Variants in ARHGAP26 observed in about 807,000 individuals in gnomAD.
ARHGAP26 encodes Rho GTPase activating protein 26, also known as rho GTPase-activating protein 26.
A neutral mutation model predicts 104.8 loss-of-function variants in ARHGAP26; 38 were observed. That is an observed-to-expected ratio of 0.36 (90% CI 0.28 to 0.48). The LOEUF is 0.48. Ranked by LOEUF, ARHGAP26 falls within the 20% of genes least tolerant of loss-of-function variation. ARHGAP26 has a pLI of 0.99. For missense variants in ARHGAP26, 704 were observed against 947.9 expected, an observed-to-expected ratio of 0.74 and a Z score of 3.38; for synonymous variants, 341 against 340.0, an observed-to-expected ratio of 1.00 and a Z score of -0.03.
At chr5:142,830,030 G>T (rs1307562469) in intron 1 of ARHGAP26, among the ~76,000 whole-genome samples, 1 of 152,202 alleles carries the variant, frequency 6.6e-6, no homozygotes, top group Admixed American at 6.5e-5. Context: ...CAATTGGTGT[G>T]AGGAAATATT....
intron 1 of ARHGAP26, among the ~76,000 whole-genome samples, chr5:142,833,255 T>G (rs1245672769): frequency 6.6e-6 from 1 of 151,326 alleles, no homozygotes; most frequent in Non-Finnish European, 1.5e-5. Flanking sequence ...GAGATGGCAT[T>G]TCACCATGTT....
rs139481130 is a variant in ARHGAP26 at position 143,026,987 on chromosome 5, A to AT, written c.1145-10207dup. Among the ~76,000 whole-genome samples, 395 of 152,192 alleles carry AT rather than the reference A, an allele frequency of 2.6e-3. 2 individuals carry two copies. The highest frequency in any genetic ancestry group is 8.6e-3 in the African/African-American group (358 of 41,512). On this transcript the variant is annotated intron_variant, in intron 12 of 22. Coordinates refer to ENST00000645722, the MANE Select transcript of ARHGAP26 (RefSeq NM_001135608.3). The stretch of plus-strand genomic sequence containing the variant: ...TTAATGGATTGGATGTGGTGTGTGA[A>AT]TTGGATATAGGGTGTGAGAGAAAGC...
intron 14 of ARHGAP26, among the ~76,000 whole-genome samples, chr5:143,053,299 C>G (rs1785300040): frequency 6.6e-6 from 1 of 152,150 alleles, no homozygotes; most frequent in Non-Finnish European, 1.5e-5. Context: ...CATTCTCCAC[C>G]CCTGGAAAAA....
intron 13 of ARHGAP26, among the ~76,000 whole-genome samples, chr5:143,038,245 T>G (rs1782931711): frequency 6.6e-6 from 1 of 152,190 alleles, no homozygotes. Flanking sequence ...TTGAGAAATA[T>G]ACACTTTTTT....
intron 22 of ARHGAP26, among the ~76,000 whole-genome samples, chr5:143,220,933 C>A (rs148265842): frequency 6.6e-6 from 1 of 152,268 alleles, no homozygotes; most frequent in African/African-American, 2.4e-5. Flanking sequence ...AGTGTCGGAG[C>A]GGAAATGCTT....
rs193068758 is a variant in ARHGAP26 at position 143,214,669 on chromosome 5, A to T, written c.2191+581A>T. On this transcript the variant is annotated intron_variant, in intron 22 of 22. Transcript: ENST00000645722. ...CCAGCCCTTGACTGTAGTCACGTCCACAGGGGCTGCCATTGTGTGTGCCCA... is the reference window on the plus strand; with the variant it reads ...CCAGCCCTTGACTGTAGTCACGTCCTCAGGGGCTGCCATTGTGTGTGCCCA... Among the ~76,000 whole-genome samples the T allele has an allele frequency of 1.5e-3, 224 of 152,264 alleles. 3 individuals are homozygous for T. The highest frequency in any genetic ancestry group is 5.1e-3 in the African/African-American group (210 of 41,556).
chr5:142,994,458 A>G (rs894305406), intron 11 of ARHGAP26, among the ~76,000 whole-genome samples: 7 of 152,206 alleles, frequency 4.6e-5, no homozygotes, highest in East Asian at 1.9e-4. Flanking sequence ...TGACGCAACC[A>G]TAAAGGATTT....
intron 11 of ARHGAP26, among the ~76,000 whole-genome samples, chr5:142,991,016 A>G (rs992073424): frequency 2.6e-5 from 4 of 152,226 alleles, no homozygotes; most frequent in Non-Finnish European, 5.9e-5. Context: ...TTAAGTCTGC[A>G]GAAGTTTCTG....
intron 11 of ARHGAP26, among the ~76,000 whole-genome samples, chr5:142,933,129 A>G (rs865778498): frequency 6.6e-5 from 10 of 152,304 alleles, no homozygotes; most frequent in African/African-American, 2.2e-4. Flanking sequence ...GTTGTTACCC[A>G]TAGGAACCCT....
In ARHGAP26 at chr5:143,223,224, AT is replaced by A. The variant is rs1411296300; in HGVS notation, c.*786del. ...ATAACACATCCTCTTTGCATGACACATTTTTTTTCTCCCCTTTTTGGTACAC... is the reference window on the plus strand; with the variant it reads ...ATAACACATCCTCTTTGCATGACACATTTTTTTCTCCCCTTTTTGGTACAC... On this transcript the variant is annotated 3_prime_UTR_variant, in exon 23 of 23. Transcript: ENST00000645722. 9 of 232,500 alleles carry A rather than the reference AT, an allele frequency of 3.9e-5. No individual in the cohort carries two copies. The South Asian group carries it at 9.1e-4, about 23-fold the overall frequency. The allele number at this position is 232,500 out of a possible 1,614,324, so 14.4% of individuals were successfully genotyped here. A position where few individuals can be genotyped will look rare whatever the true frequency, so the allele number is the denominator to read the frequency against.
intron 20 of ARHGAP26, among the ~76,000 whole-genome samples, chr5:143,183,087 A>AAG (rs914246333): frequency 2.0e-5 from 3 of 151,672 alleles, no homozygotes; most frequent in African/African-American, 7.3e-5. Context: ...AAAAAAAAAA[A>AAG]AAAAGAAAAA....
Position 143,128,494 on chromosome 5 carries a change from A to G in ARHGAP26, c.1699-5473A>G, listed in dbSNP as rs549551039. Among the ~76,000 whole-genome samples the G allele has an allele frequency of 1.3e-3, 201 of 152,324 alleles. 1 individual carries two copies. Among genetic ancestry groups the G allele is most frequent in the African/African-American group, 4.5e-3 (186 of 41,568 alleles). ...TCCCTCTGCCAAAATGCTGATATCA[A>G]CAGGACATAGGACTTCCAACTGTCC... On this transcript the variant is annotated intron_variant, in intron 18 of 22. Coordinates refer to ENST00000645722, the MANE Select transcript of ARHGAP26 (RefSeq NM_001135608.3).
chr5:143,197,851 T>C (rs992322494), intron 20 of ARHGAP26, among the ~76,000 whole-genome samples: 22 of 152,192 alleles, frequency 1.4e-4, no homozygotes, highest in Admixed American at 5.2e-4. Flanking sequence ...CATATAGATA[T>C]CCAGTTAGTC....
At chr5:143,129,520 G>A (rs1030869719) in intron 18 of ARHGAP26, among the ~76,000 whole-genome samples, 1 of 152,102 alleles carries the variant, frequency 6.6e-6, no homozygotes, top group Admixed American at 6.5e-5. Flanking sequence ...CAAATTAATA[G>A]TAGCTATAAA....
At chr5:142,850,174 CCTA>C (rs1230781527) in intron 1 of ARHGAP26, among the ~76,000 whole-genome samples, 2 of 152,148 alleles carry the variant, frequency 1.3e-5, no homozygotes, top group African/African-American at 4.8e-5. Flanking sequence ...TTCTTTTGGC[CCTA>C]CTATTTCCCG....
rs574675035 is a variant in ARHGAP26, at chr5:143,180,934, C to T, written c.1989-26264C>T. Among the ~76,000 whole-genome samples, 10 of 152,346 alleles carry T rather than the reference C, an allele frequency of 6.6e-5. No homozygotes were observed. In the South Asian group the frequency reaches 1.9e-3, roughly 28 times the overall value. ...ATGAATGGTTCCCCTTCCTCCCCTGCACCCACACCTGTGTGTCTCCCTGTT... is the reference window on the plus strand; with the variant it reads ...ATGAATGGTTCCCCTTCCTCCCCTGTACCCACACCTGTGTGTCTCCCTGTT... On this transcript the variant is annotated intron_variant, in intron 20 of 22. Transcript: ENST00000645722.
At chr5:143,154,064 T>C (rs1222006241) in intron 20 of ARHGAP26, among the ~76,000 whole-genome samples, 1 of 152,030 alleles carries the variant, frequency 6.6e-6, no homozygotes, top group Non-Finnish European at 1.5e-5. Flanking sequence ...ATCTTCCACT[T>C]TAGTTGGTCA....
intron 11 of ARHGAP26, among the ~76,000 whole-genome samples, chr5:142,958,365 G>C (rs1242310951): frequency 6.6e-6 from 1 of 152,168 alleles, no homozygotes; most frequent in Non-Finnish European, 1.5e-5. Context: ...ATATATTTAA[G>C]ATTAGTATAA....
At chr5:143,208,541 G>A (rs1034392817) in intron 21 of ARHGAP26, among the ~76,000 whole-genome samples, 7 of 152,190 alleles carry the variant, frequency 4.6e-5, no homozygotes, top group African/African-American at 1.7e-4. Flanking sequence ...ATCCTCGTGT[G>A]AGAATGAGAA....
Sources: allele counts gnomAD v4.1 joint callset (sites outside exome capture counted in the v4.1 genomes callset), GRCh38; gene constraint gnomAD v4.1.1; transcripts MANE v1.5; gene names NCBI Gene and HGNC (gene_info 2026-07-23, HGNC 2026-07-21).